The following GABRG3 variants were observed in gnomAD, a reference collection of about 807,000 sequenced individuals.
GABRG3 encodes the protein gamma-aminobutyric acid type A receptor subunit gamma3.
A neutral mutation model predicts 48.8 loss-of-function variants in GABRG3; 25 were observed. The ratio of observed to expected loss-of-function variants is 0.51; its 90% CI spans 0.37 to 0.72. The LOEUF is 0.72. Ranked by LOEUF, GABRG3 falls within the 30% of genes least tolerant of loss-of-function variation. GABRG3 has a pLI of 0.00. For synonymous variants in GABRG3, 227 were observed against 217.6 expected, an observed-to-expected ratio of 1.04 and a Z score of -0.38; for missense variants, 394 against 577.9, an observed-to-expected ratio of 0.68 and a Z score of 3.26.
chr15:27,004,136 C>T (rs947270120), intron 2 of GABRG3, among the ~76,000 whole-genome samples: 2 of 150,550 alleles, frequency 1.3e-5, no homozygotes, highest in African/African-American at 4.9e-5. Flanking sequence ...CTGACCCCCC[C>T]ACCTCCCTCC....
At chr15:27,172,681 G>T (rs1384720987) in intron 3 of GABRG3, among the ~76,000 whole-genome samples, 5 of 152,086 alleles carry the variant, frequency 3.3e-5, no homozygotes, top group Non-Finnish European at 7.3e-5. Context: ...CGGCCAACAT[G>T]CACTTGAAAC....
At chr15:27,072,250 TTCTC>T (rs1176685967) in intron 3 of GABRG3, among the ~76,000 whole-genome samples, 2 of 152,178 alleles carry the variant, frequency 1.3e-5, no homozygotes, top group Non-Finnish European at 2.9e-5. Context: ...CGAATGGAAT[TTCTC>T]TCTGTGTCCC....
intron 3 of GABRG3, among the ~76,000 whole-genome samples, chr15:27,232,126 GATTA>G (rs1056694725): frequency 1.6e-4 from 24 of 152,222 alleles, no homozygotes; most frequent in African/African-American, 5.8e-4. Flanking sequence ...AATAATTTTA[GATTA>G]ATTTTTTCAG....
intron 3 of GABRG3, among the ~76,000 whole-genome samples, chr15:27,166,239 G>A (rs923247306): frequency 4.6e-4 from 70 of 152,030 alleles, no homozygotes; most frequent in African/African-American, 1.6e-3. Flanking sequence ...AATAACAGAG[G>A]GGAAAAGTAC....
chr15:27,026,463 G>C (rs1461811195), intron 2 of GABRG3, among the ~76,000 whole-genome samples: 1 of 152,194 alleles, frequency 6.6e-6, no homozygotes, highest in Non-Finnish European at 1.5e-5. Context: ...TAACGTTACG[G>C]TATATCTTTA....
At chr15:27,462,526 C>A (rs933380144) in intron 5 of GABRG3, among the ~76,000 whole-genome samples, 2 of 152,200 alleles carry the variant, frequency 1.3e-5, no homozygotes, top group Admixed American at 1.3e-4. Context: ...TTTCAAGGCC[C>A]TAGTCTTATA....
chr15:27,208,842 C>T (rs551249933), intron 3 of GABRG3, among the ~76,000 whole-genome samples: 5 of 152,292 alleles, frequency 3.3e-5, no homozygotes, highest in South Asian at 2.1e-4. Flanking sequence ...ATGTCATATA[C>T]GGATTCTATG....
intron 6 of GABRG3, among the ~76,000 whole-genome samples, chr15:27,486,522 A>G (rs1338906916): frequency 6.6e-6 from 1 of 152,206 alleles, no homozygotes; most frequent in Non-Finnish European, 1.5e-5. Flanking sequence ...AGCTAATTAA[A>G]AAATACATAT....
At chr15:27,224,634 T>A (rs182788476) in intron 3 of GABRG3, among the ~76,000 whole-genome samples, 2 of 152,334 alleles carry the variant, frequency 1.3e-5, no homozygotes, top group East Asian at 3.9e-4. Flanking sequence ...CTTTTCACTG[T>A]CCTAGCAAGG....
In GABRG3 at chr15:27,375,834, A is replaced by G. The variant is rs1009470562; in HGVS notation, c.574+46946A>G. Among the ~76,000 whole-genome samples the G allele has an allele frequency of 2.0e-5, 3 of 152,182 alleles. 1 individual carries two copies. The highest frequency in any genetic ancestry group is 2.0e-4 in the Admixed American group (3 of 15,280). On this transcript the variant is annotated intron_variant, in intron 5 of 9. Transcript: ENST00000615808. ...AGCCAAACCATATCATTCCACCCCT[A>G]GCCCCTCCGAAATCTCATATCTTCA...
At chr15:27,329,006 T>G (rs964549980) in intron 5 of GABRG3, 118 bp downstream of exon 5, 1 of 854,374 alleles carries the variant, frequency 1.2e-6, no homozygotes, top group Non-Finnish European at 1.9e-6. Flanking sequence ...CAGAGAAAAC[T>G]GATGATGGTT....
At chr15:27,312,548 C>T (rs963434869) in intron 3 of GABRG3, among the ~76,000 whole-genome samples, 29 of 152,038 alleles carry the variant, frequency 1.9e-4, no homozygotes, top group Admixed American at 9.2e-4. Flanking sequence ...AAGAGAAAAG[C>T]AAGTTGTCAC....
chr15:27,079,357 A>G (rs1011421170), intron 3 of GABRG3, among the ~76,000 whole-genome samples: 9 of 152,228 alleles, frequency 5.9e-5, no homozygotes, highest in African/African-American at 2.2e-4. Context: ...AAGTCAGAAT[A>G]CTTTTAAAAA....
chr15:27,221,554 T>C (rs1889454529), intron 3 of GABRG3, among the ~76,000 whole-genome samples: 1 of 152,090 alleles, frequency 6.6e-6, no homozygotes, highest in African/African-American at 2.4e-5. Flanking sequence ...AGGTGGTCTC[T>C]CAGAGAGACC....
At chr15:27,065,795 A>G (rs1896728541) in intron 3 of GABRG3, among the ~76,000 whole-genome samples, 1 of 152,236 alleles carries the variant, frequency 6.6e-6, no homozygotes, top group African/African-American at 2.4e-5. Flanking sequence ...TTTTTGAAAA[A>G]TAATGGAAAA....
At chr15:27,237,328 A>G (rs944787170) in intron 3 of GABRG3, among the ~76,000 whole-genome samples, 24 of 152,384 alleles carry the variant, frequency 1.6e-4, no homozygotes, top group African/African-American at 5.0e-4. Context: ...TAAAAGAAAC[A>G]TGACCCAATT....
In GABRG3 at chr15:27,459,551, TA is replaced by T. The variant is rs543858563; in HGVS notation, c.575-21093del. 4.5e-3 allele frequency among the ~76,000 whole-genome samples: 681 copies of T among 152,282 alleles called. 5 individuals are homozygous for T. The highest frequency in any genetic ancestry group is 0.016 in the African/African-American group (662 of 41,554). On this transcript the variant is annotated intron_variant, in intron 5 of 9. Coordinates refer to ENST00000615808, the MANE Select transcript of GABRG3 (RefSeq NM_033223.5). ...TTCTTACTGCAGTAAAATAAAATTTTAAAAAACATATCTAATTGTATACCTG... is the reference window on the plus strand; with the variant it reads ...TTCTTACTGCAGTAAAATAAAATTTTAAAAACATATCTAATTGTATACCTG...
At chr15:27,111,375 G>C (rs1453902345) in intron 3 of GABRG3, among the ~76,000 whole-genome samples, 1 of 152,126 alleles carries the variant, frequency 6.6e-6, no homozygotes, top group African/African-American at 2.4e-5. Flanking sequence ...TGTCATGTCT[G>C]ATTCTGTTCT....
intron 5 of GABRG3, among the ~76,000 whole-genome samples, chr15:27,388,142 GTAA>G (rs1896031811): frequency 3.0e-4 from 26 of 85,474 alleles, no homozygotes; most frequent in African/African-American, 3.2e-4. Context: ...GGGAGGGAGG[GTAA>G]GGAAGGAAGG....
Sources: gnomAD v4.1 joint callset for allele counts (sites outside exome capture counted in the v4.1 genomes callset) on GRCh38, gnomAD v4.1.1 for gene constraint, MANE v1.5 for transcripts, NCBI Gene and HGNC (gene_info 2026-07-23, HGNC 2026-07-21) for gene names.